Variants in IFT140 observed in about 807,000 individuals in gnomAD.
IFT140 encodes the protein intraflagellar transport 140.
In IFT140, 133 loss-of-function variants were observed where a neutral mutation model predicts 164.6. That is an observed-to-expected ratio of 0.81 (90% CI 0.70 to 0.93). The LOEUF (loss-of-function observed/expected upper bound fraction) is 0.93. Among genes scored for constraint, IFT140 ranks in the 40% least tolerant of loss-of-function variants. The probability of loss-of-function intolerance (pLI) is 0.00; values close to 1 mark genes in which losing one functional copy is unlikely to be tolerated. For synonymous variants in IFT140, 860 were observed against 817.3 expected (o/e 1.05, Z -0.89); for missense variants, 2,045 against 1,972.3 (o/e 1.04, Z -0.70).
chr16:1,511,105 T>G lies in IFT140; in HGVS notation c.4228A>C (p.Asn1410His), dbSNP rs763649352. 6.2e-7 allele frequency: 1 copy of G among 1,610,652 alleles called. No homozygotes were observed. Among genetic ancestry groups the G allele is most frequent in the Non-Finnish European group, 8.5e-7 (1 of 1,179,188 alleles). Reference protein sequence around the residue: ...EEMRRRLPLANMSYYVSPQAV... With the variant: ...EEMRRRLPLAHMSYYVSPQAV... ...TGCGGGCTCACGTAGTAGGACATGT[T>G]GGCCAAGGGAAGCCGCCGCCGCATC... The change falls in exon 31 of 31, where the codon AAC (asparagine) becomes CAC (histidine). Residue 1410 changes from asparagine (N) to histidine (H), a missense_variant. Coordinates refer to ENST00000426508, the MANE Select transcript of IFT140 (RefSeq NM_014714.4).
intron 19 of IFT140, chr16:1,557,589 G>GT (rs2033169626): frequency 8.4e-6 from 2 of 237,556 alleles, no homozygotes; most frequent in African/African-American, 4.5e-5. Flanking sequence ...ATTTTTAATT[G>GT]TGTTTCCACC....
chr16:1,571,492 T>G lies in IFT140; in HGVS notation c.1567A>C (p.Asn523His). ...CCACAGATGTCCAAGAAGCAGGGAT[T>G]CCCCTCAGTCTCCGAGAAAAGGAGG... ...QLLLFSETEG[N>H]PCFLDICGNF... is the part of the protein sequence containing the mutation. Residue 523 changes from asparagine (N) to histidine (H), a missense_variant, in exon 14 of 31, where the codon AAT becomes CAT. Asn to His is a moderately conservative substitution (Grantham distance 68). Coordinates refer to ENST00000426508, the MANE Select transcript of IFT140 (RefSeq NM_014714.4). The G allele has an allele frequency of 1.2e-6, 2 of 1,614,018 alleles. No individual in the cohort carries two copies. The highest frequency in any genetic ancestry group is 1.7e-6 in the Non-Finnish European group (2 of 1,179,912).
intron 11 of IFT140, among the ~76,000 whole-genome samples, 169 bp downstream of exon 11, chr16:1,584,048 C>T: frequency 6.6e-6 from 1 of 152,108 alleles, no homozygotes; most frequent in Admixed American, 6.5e-5. Context: ...ATTCTTATTA[C>T]GATTTTCTTT....
In IFT140 at chr16:1,568,835, C is replaced by T. The variant is rs77225785; in HGVS notation, c.1653-501G>A. ...GAGTTTGTGCCTTATGCTCTGTTTCCGCGATTTTTCGTAGCACGTGGGGAC... is the reference window on the plus strand; with the variant it reads ...GAGTTTGTGCCTTATGCTCTGTTTCTGCGATTTTTCGTAGCACGTGGGGAC... On this transcript the variant is annotated intron_variant, in intron 14 of 30. Transcript: ENST00000426508. 6.7e-3 allele frequency among the ~76,000 whole-genome samples: 1,015 copies of T among 152,290 alleles called. 15 individuals are homozygous for T. The highest frequency in any genetic ancestry group is 0.023 in the African/African-American group (959 of 41,558).
At chr16:1,569,657 C>T (rs565931446) in intron 14 of IFT140, among the ~76,000 whole-genome samples, 1 of 151,040 alleles carries the variant, frequency 6.6e-6, no homozygotes, top group African/African-American at 2.4e-5. Flanking sequence ...GTGGTGTGAT[C>T]TTGGCTCACT....
At position 1,607,426 on chromosome 16, in the gene IFT140, C is replaced by T. The variant is rs192659105; in HGVS notation, c.-31-129G>A. 5.8e-5 allele frequency: 44 copies of T among 761,532 alleles called. No homozygotes were observed. In the African/African-American group the frequency reaches 7.5e-4, roughly 13 times the overall value. The allele number at this position is 761,532 out of a possible 1,614,324, so 47.2% of individuals were successfully genotyped here. A position where few individuals can be genotyped will look rare whatever the true frequency, so the allele number is the denominator to read the frequency against. ...GAAGACCATCGGCAACTTGAAAATG[C>T]CTTGCGGACTGAGCAGGCAACCTGA... On this transcript the variant is annotated intron_variant, in intron 2 of 30. Coordinates refer to ENST00000426508, the MANE Select transcript of IFT140 (RefSeq NM_014714.4).
chr16:1,602,706 C>G, intron 3 of IFT140, 115 bp from the exon 4 acceptor site: 1 of 917,316 alleles, frequency 1.1e-6, no homozygotes, highest in South Asian at 1.5e-5. Flanking sequence ...CTTTGGGAGG[C>G]TGAGGTGGGT....
chr16:1,519,794 C>T, intron 29 of IFT140, 87 bp downstream of exon 29: 1 of 1,325,618 alleles, frequency 7.5e-7, no homozygotes, highest in Non-Finnish European at 1.0e-6. Context: ...CTGTCCTGCC[C>T]TTTTGCTGGC....
rs1205558514 is a variant in IFT140, at chr16:1,518,216, C to T, written c.4182G>A (p.Thr1394=). ...EHYVRKEEYQ[T]AYRFLEEMRR... ...CTAGTGAGCAGCACTCAGGCCTCAC[C>T]GTCTGGTATTCCTCCTTCCGCACGT... The change falls in exon 30 of 31, where the codon ACG becomes ACA. Residue 1394 remains threonine (T), a splice_region_variant and synonymous_variant. Transcript: ENST00000426508. 11 of 1,611,316 alleles carry T rather than the reference C, an allele frequency of 6.8e-6. No homozygotes were observed. Among genetic ancestry groups the T allele is most frequent in the Admixed American group, 3.3e-5 (2 of 59,932 alleles).
rs147249891 is a variant in IFT140, at chr16:1,606,229, C to A, written c.147+891G>T. ...AGAGTTCCAAATGGCCCCTATGGAG[C>A]GTGCAGGAGGGCACTGACAGAGGAA... On this transcript the variant is annotated intron_variant, in intron 3 of 30. Coordinates refer to ENST00000426508, the MANE Select transcript of IFT140 (RefSeq NM_014714.4). 1.8e-3 allele frequency among the ~76,000 whole-genome samples: 269 copies of A among 152,346 alleles called. 2 individuals carry two copies. The highest frequency in any genetic ancestry group is 0.015 in the Admixed American group (237 of 15,312).
chr16:1,544,896 C>T (rs575013992), intron 19 of IFT140, among the ~76,000 whole-genome samples: 49 of 152,302 alleles, frequency 3.2e-4, no homozygotes, highest in East Asian at 7.7e-4. Context: ...GATCCGCCCG[C>T]CTCGGCCTCC....
At chr16:1,541,240 A>T (rs1596330162) in intron 19 of IFT140, 11 of 985,290 alleles carry the variant, frequency 1.1e-5, no homozygotes, top group Non-Finnish European at 1.3e-5. Context: ...CCACTGAGTG[A>T]AAGATTTGTG....
intron 19 of IFT140, among the ~76,000 whole-genome samples, chr16:1,546,830 G>A: frequency 6.6e-6 from 1 of 152,228 alleles, no homozygotes; most frequent in Non-Finnish European, 1.5e-5. Flanking sequence ...CTGTACTTGG[G>A]TTGAGTCATA....
rs532146252 is a variant in IFT140 at position 1,593,040 on chromosome 16, G to A, written c.370-452C>T. On this transcript the variant is annotated intron_variant, in intron 4 of 30. Transcript: ENST00000426508. ...GTGGTGGGACAGGTGTCCTGGCAGA[G>A]TGACTGGTGGTGGGACAGGTGTCCT... Among the ~76,000 whole-genome samples, 13 of 151,640 alleles carry A rather than the reference G, an allele frequency of 8.6e-5. No homozygotes were observed. In the East Asian group the frequency reaches 2.5e-3, roughly 30 times the overall value.
Position 1,562,046 on chromosome 16 carries a change from CG to C in IFT140, c.2137del (p.Arg713GlyfsTer73). On this transcript the variant is annotated frameshift_variant, in exon 18 of 31. Transcript: ENST00000426508. LOFTEE classifies it high-confidence loss of function. ...CAGGAGACTGTGGGAGGTGGCAGGC[CG>C]GGGGAAGCTCTCATGAAGCAGGAAG... ...HGFLLHESFP[R>X]PATSHSLLGM... 6.2e-7 allele frequency: 1 copy of C among 1,611,500 alleles called. No individual in the cohort carries two copies. The highest frequency in any genetic ancestry group is 8.5e-7 in the Non-Finnish European group (1 of 1,178,944).
At position 1,510,774 on chromosome 16, in the gene IFT140, G is replaced by A. The variant is rs1418677148; in HGVS notation, c.*170C>T. 3.2e-5 allele frequency: 21 copies of A among 657,694 alleles called. No homozygotes were observed. The highest frequency in any genetic ancestry group is 4.3e-5 in the Non-Finnish European group (16 of 373,044). The allele number at this position is 657,694 out of a possible 1,614,324, so 40.7% of individuals were successfully genotyped here. ...AGGTGGGACAGAGCAAGGTGCAGAC[G>A]GGTCACACCCTCCGCCGGCCCGGGC... On this transcript the variant is annotated 3_prime_UTR_variant, in exon 31 of 31. Coordinates refer to ENST00000426508, the MANE Select transcript of IFT140 (RefSeq NM_014714.4).
intron 20 of IFT140, 170 bp downstream of exon 20, chr16:1,526,449 C>G: frequency 1.3e-6 from 1 of 753,920 alleles, no homozygotes; most frequent in Middle Eastern, 3.9e-4. Context: ...AGCCTCCACC[C>G]ACCTCACCTC....
At chr16:1,570,985 G>C (rs897563430) in intron 14 of IFT140, among the ~76,000 whole-genome samples, 2 of 152,124 alleles carry the variant, frequency 1.3e-5, no homozygotes, top group Non-Finnish European at 2.9e-5. Context: ...TCAAACTCCT[G>C]GGCTCAAGCA....
intron 4 of IFT140, among the ~76,000 whole-genome samples, chr16:1,598,265 T>C (rs1431573969): frequency 3.3e-5 from 5 of 152,142 alleles, no homozygotes; most frequent in Non-Finnish European, 2.9e-5. Context: ...AAGACCATCC[T>C]GGCTAACACA....
Sources: allele counts gnomAD v4.1 joint callset (sites outside exome capture counted in the v4.1 genomes callset), GRCh38; gene constraint gnomAD v4.1.1; transcripts MANE v1.5; gene names NCBI Gene and HGNC (gene_info 2026-07-23, HGNC 2026-07-21).